Variants in MN1 observed in about 807,000 individuals in gnomAD.
MN1 encodes MN1 proto-oncogene, transcriptional regulator.
MN1 carries 19 observed loss-of-function variants against 86.9 expected under a neutral mutation model. That is an observed-to-expected ratio of 0.22 (90% confidence interval 0.15 to 0.32). MN1 has a LOEUF of 0.32. Among genes scored for constraint, MN1 ranks in the 10% least tolerant of loss-of-function variants. MN1 has a pLI of 1.00. For synonymous variants in MN1, 928 were observed against 849.6 expected, an observed-to-expected ratio of 1.09 and a Z score of -1.60; for missense variants, 1,841 against 1,862.0, an observed-to-expected ratio of 0.99 and a Z score of 0.21.
chr22:27,760,951 C>A (rs1290768476), intron 1 of MN1, among the ~76,000 whole-genome samples: 1 of 152,178 alleles, frequency 6.6e-6, no homozygotes, highest in Admixed American at 6.5e-5. Context: ...GATGGCCCGA[C>A]ACACTAGCCC....
At chr22:27,752,345 G>C (rs1235915794) in intron 1 of MN1, among the ~76,000 whole-genome samples, 1 of 152,154 alleles carries the variant, frequency 6.6e-6, no homozygotes, top group Non-Finnish European at 1.5e-5. Flanking sequence ...CAGAGAATCT[G>C]AGCTCCCCAA....
chr22:27,750,385 C>T lies in MN1; in HGVS notation c.*530G>A, dbSNP rs1601319100. ...ATTGTGATGACAATTGGACTTTCAC[C>T]CGGCAATATTCCAGAACTACTATTC... is the stretch of plus-strand genomic sequence containing the variant. On this transcript the variant is annotated 3_prime_UTR_variant, in exon 2 of 2. Transcript: ENST00000302326. 8.7e-6 allele frequency: 2 copies of T among 230,846 alleles called. No individual in the cohort carries two copies. The highest frequency in any genetic ancestry group is 1.7e-5 in the Non-Finnish European group (2 of 116,626). The allele number at this position is 230,846 out of a possible 1,614,324, so 14.3% of individuals were successfully genotyped here.
In MN1 at chr22:27,800,850, G is replaced by C. The variant is rs1178997900; in HGVS notation, c.-307C>G. ...TCACAGCCGCGGGTGGGTCTGCGGG[G>C]AGGGGACGAAGCCGCGGATGAACGG... On this transcript the variant is annotated 5_prime_UTR_variant, in exon 1 of 2. Coordinates refer to ENST00000302326, the MANE Select transcript of MN1 (RefSeq NM_002430.3). 2 of 482,020 alleles carry C rather than the reference G, an allele frequency of 4.1e-6. No homozygotes were observed. Among genetic ancestry groups the C allele is most frequent in the Admixed American group, 3.8e-5 (1 of 26,194 alleles). The allele number at this position is 482,020 out of a possible 1,614,324, so 29.9% of individuals were successfully genotyped here. A position where few individuals can be genotyped will look rare whatever the true frequency, so the allele number is the denominator to read the frequency against.
At chr22:27,784,882 C>T (rs1311075025) in intron 1 of MN1, among the ~76,000 whole-genome samples, 1 of 150,054 alleles carries the variant, frequency 6.7e-6, no homozygotes, top group African/African-American at 2.5e-5. Flanking sequence ...GGTTGTGGGT[C>T]GGGGGGAGTT....
At chr22:27,791,390 C>T (rs749888507) in intron 1 of MN1, among the ~76,000 whole-genome samples, 17 of 151,960 alleles carry the variant, frequency 1.1e-4, no homozygotes, top group Non-Finnish European at 1.9e-4. Context: ...ACCCAAGACG[C>T]GCCTAAATAT....
chr22:27,767,338 A>G (rs1932877440), intron 1 of MN1, among the ~76,000 whole-genome samples: 2 of 152,050 alleles, frequency 1.3e-5, no homozygotes, highest in Non-Finnish European at 2.9e-5. Context: ...AGGCTTGCCA[A>G]ATTTACTGAG....
chr22:27,786,842 GCA>G (rs59816177), intron 1 of MN1, among the ~76,000 whole-genome samples: 1,784 of 140,446 alleles, frequency 0.013, 38 homozygotes, highest in African/African-American at 0.042. Context: ...ATGCCCGTGC[GCA>G]CACACACACA....
chr22:27,797,297 T>G lies in MN1; in HGVS notation c.3247A>C (p.Lys1083Gln). 6.3e-7 allele frequency: 1 copy of G among 1,598,390 alleles called. No individual in the cohort carries two copies. Among genetic ancestry groups the G allele is most frequent in the South Asian group, 1.1e-5 (1 of 90,672 alleles). ...GCGCCTACCCCACGGGGAGGGAGTT[T>G]GGGCGAGCCGGTCACCAGGGGACTC... ...SRSPLVTGSPKLPPRGVGAGE... is the reference protein window; with the variant it reads ...SRSPLVTGSPQLPPRGVGAGE... Residue 1083 changes from lysine (K) to glutamine (Q), a missense_variant, in exon 1 of 2, where the codon AAA becomes CAA. Transcript: ENST00000302326.
In MN1 at chr22:27,798,495, C is replaced by T. The variant is rs1314727407; in HGVS notation, c.2049G>A (p.Pro683=). 2.6e-6 allele frequency: 4 copies of T among 1,552,330 alleles called. No homozygotes were observed. The highest frequency in any genetic ancestry group is 3.4e-6 in the Non-Finnish European group (4 of 1,159,744). The change falls in exon 1 of 2, where the codon CCG becomes CCA. Residue 683 remains proline, a synonymous_variant. Transcript: ENST00000302326. ...CGTGGCCCTCTCCGGGCATCCTCAT[C>T]GGCTCCTGCAGAGGGCCCCGGAACA... is the stretch of plus-strand genomic sequence containing the variant. ...GVLFRGPLQE[P]MRMPGEGHVP...
At chr22:27,788,871 G>T (rs891033127) in intron 1 of MN1, among the ~76,000 whole-genome samples, 5 of 152,088 alleles carry the variant, frequency 3.3e-5, no homozygotes, top group African/African-American at 1.2e-4. Flanking sequence ...CACGCAAAAC[G>T]AGTGGCATCA....
At position 27,761,963 on chromosome 22, in the gene MN1, G is replaced by T. The variant is rs905664935; in HGVS notation, c.3782-10867C>A. On this transcript the variant is annotated intron_variant, in intron 1 of 1. Coordinates refer to ENST00000302326, the MANE Select transcript of MN1 (RefSeq NM_002430.3). ...GGGGCAGGACCGGGGAATGCGGGGGGAGGCTGAGTCCTAGGGACTGTCCCT... is the reference window on the plus strand; with the variant it reads ...GGGGCAGGACCGGGGAATGCGGGGGTAGGCTGAGTCCTAGGGACTGTCCCT... Among the ~76,000 whole-genome samples, 5 of 152,210 alleles carry T rather than the reference G, an allele frequency of 3.3e-5. No homozygotes were observed. The South Asian group carries it at 8.3e-4, about 25-fold the overall frequency.
rs760534577 is a variant in MN1, at chr22:27,799,101, A to G, written c.1443T>C (p.Ala481=). The change falls in exon 1 of 2, where the codon GCT becomes GCC. Residue 481 remains alanine (A), a synonymous_variant. Transcript: ENST00000302326. The part of the protein sequence containing the change: ...ASWNGSMHNG[A]LDNHLSPSAY... The stretch of plus-strand genomic sequence containing the variant: ...CGGAAGGGGAGAGGTGATTATCCAG[A>G]GCGCCGTTGTGCATGCTGCCGTTCC... 1.2e-6 allele frequency: 2 copies of G among 1,605,108 alleles called. No homozygotes were observed. Among genetic ancestry groups the G allele is most frequent in the South Asian group, 2.2e-5 (2 of 90,668 alleles).
chr22:27,758,277 C>G (rs758108752), intron 1 of MN1, among the ~76,000 whole-genome samples: 1 of 152,202 alleles, frequency 6.6e-6, no homozygotes, highest in Non-Finnish European at 1.5e-5. Context: ...ACCTCCACAC[C>G]TTTGCTGCTG....
chr22:27,750,843 T>G lies in MN1; in HGVS notation c.*72A>C, dbSNP rs1374547980. 1.3e-5 allele frequency: 17 copies of G among 1,274,502 alleles called. No homozygotes were observed. The highest frequency in any genetic ancestry group is 6.9e-5 in the South Asian group (4 of 57,898). 78.9% of individuals were successfully genotyped at this position (1,274,502 alleles called of 1,614,324 possible). On this transcript the variant is annotated 3_prime_UTR_variant, in exon 2 of 2. Coordinates refer to ENST00000302326, the MANE Select transcript of MN1 (RefSeq NM_002430.3). ...CTTTCAAATTAACAGAGGGGTGGGG[T>G]AAGGTTGAGGGGGAAGGAAACAGAC...
chr22:27,775,409 AC>A (rs1300680424), intron 1 of MN1, among the ~76,000 whole-genome samples: 1 of 151,948 alleles, frequency 6.6e-6, no homozygotes, highest in Non-Finnish European at 1.5e-5. Context: ...GTCCACTCCA[AC>A]CTATTAGCAG....
Position 27,799,482 on chromosome 22 carries a change from C to A in MN1, c.1062G>T (p.Gln354His). The A allele has an allele frequency of 6.9e-7, 1 of 1,453,774 alleles. No homozygotes were observed. Among genetic ancestry groups the A allele is most frequent in the Non-Finnish European group, 9.1e-7 (1 of 1,104,438 alleles). The allele number at this position is 1,453,774 out of a possible 1,614,324, so 90.1% of individuals were successfully genotyped here. The change falls in exon 1 of 2, where the codon CAG becomes CAT. Residue 354 changes from glutamine to histidine, a missense_variant. Transcript: ENST00000302326. ...APPPPQQQPP[Q>H]QPPQQQPPPP... ...GCGGCGGCTGCTGCTGTGGCGGCTG[C>A]TGCGGGGGCTGCTGCTGAGGGGGTG...
At chr22:27,776,567 CCGGTCA>C (rs1166827960) in intron 1 of MN1, among the ~76,000 whole-genome samples, 1 of 152,138 alleles carries the variant, frequency 6.6e-6, no homozygotes, top group East Asian at 1.9e-4. Context: ...CTAGAATCTG[CCGGTCA>C]CCTCGGCTTG....
chr22:27,784,836 G>C (rs760375056), intron 1 of MN1, among the ~76,000 whole-genome samples: 1 of 151,770 alleles, frequency 6.6e-6, no homozygotes, highest in African/African-American at 2.4e-5. Context: ...GAACAGGCCG[G>C]CATTCCTTTT....
chr22:27,759,065 C>G (rs936349915), intron 1 of MN1, among the ~76,000 whole-genome samples: 1 of 152,152 alleles, frequency 6.6e-6, no homozygotes, highest in Non-Finnish European at 1.5e-5. Context: ...TGAGCTCAAG[C>G]AATCCACCTG....
Sources: gnomAD v4.1 joint callset for allele counts (sites outside exome capture counted in the v4.1 genomes callset) on GRCh38, gnomAD v4.1.1 for gene constraint, MANE v1.5 for transcripts, NCBI Gene and HGNC (gene_info 2026-07-23, HGNC 2026-07-21) for gene names.